STX8: variants seen among roughly 807,000 people sequenced by gnomAD.
STX8 encodes syntaxin 8, also known as syntaxin-8.
STX8 carries 23 observed loss-of-function variants against 37.5 expected under a neutral mutation model. The ratio of observed to expected loss-of-function variants is 0.61; its 90% confidence interval spans 0.44 to 0.87. The LOEUF (loss-of-function observed/expected upper bound fraction) is 0.87. STX8 is among the 40% of genes least tolerant of loss of function. The pLI is 0.00. For missense variants in STX8, 313 were observed against 284.7 expected, an observed-to-expected ratio of 1.10 and a Z score of -0.71; for synonymous variants, 115 against 99.1, an observed-to-expected ratio of 1.16 and a Z score of -0.95.
intron 7 of STX8, among the ~76,000 whole-genome samples, chr17:9,258,258 G>C (rs188761387): frequency 6.6e-6 from 1 of 152,360 alleles, no homozygotes; most frequent in East Asian, 1.9e-4. Context: ...TGGGGAATAA[G>C]CAGGAGAAGA....
At chr17:9,287,085 G>T (rs781105438) in intron 7 of STX8, among the ~76,000 whole-genome samples, 1 of 152,182 alleles carries the variant, frequency 6.6e-6, no homozygotes, top group Non-Finnish European at 1.5e-5. Flanking sequence ...TACTAGTGGG[G>T]AATGGTATAA....
intron 7 of STX8, among the ~76,000 whole-genome samples, chr17:9,359,048 CTT>C (rs575675355): frequency 7.0e-6 from 1 of 142,972 alleles, no homozygotes; most frequent in African/African-American, 2.6e-5. Context: ...TTTTTTTTTT[CTT>C]TTTTTTTTTG....
intron 7 of STX8, among the ~76,000 whole-genome samples, chr17:9,340,883 C>G (rs1048886392): frequency 1.3e-5 from 2 of 150,128 alleles, no homozygotes; most frequent in African/African-American, 4.9e-5. Flanking sequence ...TCTCAAACTC[C>G]CGACCTCAGG....
At chr17:9,384,480 T>C (rs563304738) in intron 6 of STX8, among the ~76,000 whole-genome samples, 2 of 152,036 alleles carry the variant, frequency 1.3e-5, no homozygotes, top group African/African-American at 2.4e-5. Flanking sequence ...CTACTAAAAA[T>C]ACAAAAAATT....
chr17:9,561,965 T>C (rs1161204272), intron 2 of STX8, among the ~76,000 whole-genome samples: 4 of 152,152 alleles, frequency 2.6e-5, no homozygotes, highest in Non-Finnish European at 5.9e-5. Context: ...GTTAAATAGA[T>C]AGCAGCCCTT....
In STX8 at chr17:9,406,528, A is replaced by C. The variant is rs369965680; in HGVS notation, c.542-27875T>G. Among the ~76,000 whole-genome samples the C allele has an allele frequency of 1.6e-4, 25 of 152,314 alleles. No homozygotes were observed. In the East Asian group the frequency reaches 4.2e-3, roughly 26 times the overall value. On this transcript the variant is annotated intron_variant, in intron 6 of 7. Transcript: ENST00000306357. ...CAGTTCATTTTGTGCAGCATGATTTAATACTGCATCTTTCCATTTGTTTAC... is the reference window on the plus strand; with the variant it reads ...CAGTTCATTTTGTGCAGCATGATTTCATACTGCATCTTTCCATTTGTTTAC...
chr17:9,414,136 A>ACCCACATACCCATCTG, intron 6 of STX8, among the ~76,000 whole-genome samples: 1 of 10,924 alleles, frequency 9.2e-5, no homozygotes, highest in South Asian at 2.5e-3. Flanking sequence ...CCAACCATCC[A>ACCCACATACCCATCTG]TCCATCCATC....
In STX8 at chr17:9,491,872, T is replaced by C. The variant is rs1217460796; in HGVS notation, c.498A>G (p.Lys166=). 3.7e-6 allele frequency: 6 copies of C among 1,613,658 alleles called. No individual in the cohort carries two copies. The highest frequency in any genetic ancestry group is 4.2e-6 in the Non-Finnish European group (5 of 1,179,886). The change falls in exon 6 of 8, where the codon AAA becomes AAG. Residue 166 remains lysine, a synonymous_variant. Transcript: ENST00000306357. ...CATTCCCAATTTCCTGCCCCATTTG[T>C]TTTTGGCGACTTATGATAGAGGAAA... ...DALSSIISRQ[K]QMGQEIGNEL...
At chr17:9,289,728 C>G (rs748580554) in intron 7 of STX8, among the ~76,000 whole-genome samples, 3 of 151,414 alleles carry the variant, frequency 2.0e-5, no homozygotes, top group Non-Finnish European at 2.9e-5. Context: ...TGCAGTGAGT[C>G]GGGATCGCGC....
chr17:9,295,993 ATC>A (rs1221998522), intron 7 of STX8, among the ~76,000 whole-genome samples: 1 of 151,878 alleles, frequency 6.6e-6, no homozygotes, highest in Admixed American at 6.6e-5. Context: ...GATTGAGACC[ATC>A]CTGGCTAACA....
chr17:9,298,082 G>A (rs1484395739), intron 7 of STX8, among the ~76,000 whole-genome samples: 1 of 152,158 alleles, frequency 6.6e-6, no homozygotes, highest in African/African-American at 2.4e-5. Context: ...TTCCACTGCT[G>A]GTAGATTCCT....
chr17:9,474,471 C>G (rs1285676414), intron 6 of STX8, among the ~76,000 whole-genome samples: 1 of 152,046 alleles, frequency 6.6e-6, no homozygotes, highest in African/African-American at 2.4e-5. Context: ...CTCCCGGGTT[C>G]AAGTGATTCT....
intron 6 of STX8, chr17:9,437,758 T>C (rs1055365099): frequency 6.6e-6 from 1 of 152,204 alleles, no homozygotes; most frequent in African/African-American, 2.4e-5. Flanking sequence ...CACTTTGCCT[T>C]TTCTTTGTCA....
chr17:9,494,948 C>T (rs554714934), intron 5 of STX8, among the ~76,000 whole-genome samples: 4 of 152,260 alleles, frequency 2.6e-5, no homozygotes, highest in African/African-American at 7.2e-5. Context: ...CATTGTACCC[C>T]TCGCAGCTTC....
chr17:9,525,274 A>C, intron 4 of STX8, among the ~76,000 whole-genome samples: 1 of 152,204 alleles, frequency 6.6e-6, no homozygotes, highest in African/African-American at 2.4e-5. Context: ...TACGCAAGAC[A>C]GAAAACACAT....
At chr17:9,337,024 A>G (rs1910160037) in intron 7 of STX8, among the ~76,000 whole-genome samples, 1 of 152,212 alleles carries the variant, frequency 6.6e-6, no homozygotes, top group Non-Finnish European at 1.5e-5. Flanking sequence ...TCAGGAAACA[A>G]TAAAAGGGAA....
rs59723016 is a variant in STX8, at chr17:9,424,102, C to T, written c.542-45449G>A. On this transcript the variant is annotated intron_variant, in intron 6 of 7. Coordinates refer to ENST00000306357, the MANE Select transcript of STX8 (RefSeq NM_004853.3). The stretch of plus-strand genomic sequence containing the variant: ...TACCCCAGGCTGTGAAAGAACTGCT[C>T]CAACCATATTTTTCCCACCCCTCAA... 7.6e-3 allele frequency among the ~76,000 whole-genome samples: 1,151 copies of T among 152,170 alleles called. 33 individuals are homozygous for T. The highest frequency in any genetic ancestry group is 0.042 in the East Asian group (215 of 5,162).
At chr17:9,434,246 G>A (rs1213006963) in intron 6 of STX8, among the ~76,000 whole-genome samples, 4 of 152,086 alleles carry the variant, frequency 2.6e-5, no homozygotes, top group African/African-American at 7.2e-5. Flanking sequence ...CTCGTGATCC[G>A]CCGGCCTCAG....
intron 7 of STX8, among the ~76,000 whole-genome samples, chr17:9,321,939 T>A (rs1909592559): frequency 6.6e-6 from 1 of 152,252 alleles, no homozygotes; most frequent in African/African-American, 2.4e-5. Flanking sequence ...AGGGGCCAGC[T>A]GATTTGTTTA....
Sources: gnomAD v4.1 joint callset for allele counts (sites outside exome capture counted in the v4.1 genomes callset) on GRCh38, gnomAD v4.1.1 for gene constraint, MANE v1.5 for transcripts, NCBI Gene and HGNC (gene_info 2026-07-23, HGNC 2026-07-21) for gene names.